Variants in OPCML observed in about 807,000 individuals in gnomAD.
OPCML encodes opioid binding protein/cell adhesion molecule like, also known as opioid-binding protein/cell adhesion molecule.
A neutral mutation model predicts 37.8 loss-of-function variants in OPCML; 13 were observed. That is an observed-to-expected ratio of 0.34 (90% CI 0.22 to 0.55). The LOEUF is 0.55. Among genes scored for constraint, OPCML ranks in the 20% least tolerant of loss-of-function variants. OPCML has a pLI of 0.91. For synonymous variants in OPCML, 176 were observed against 168.8 expected (o/e 1.04, Z -0.33); for missense variants, 341 against 435.6 (o/e 0.78, Z 1.93).
intron 1 of OPCML, among the ~76,000 whole-genome samples, chr11:133,462,453 T>C (rs1946879773): frequency 6.6e-6 from 1 of 152,064 alleles, no homozygotes; most frequent in South Asian, 2.1e-4. Context: ...TAATGGATAA[T>C]ATTCAGAATA....
intron 1 of OPCML, among the ~76,000 whole-genome samples, chr11:133,204,464 T>G (rs1234247683): frequency 2.0e-5 from 3 of 152,088 alleles, no homozygotes; most frequent in African/African-American, 7.2e-5. Flanking sequence ...TGGGCACCAG[T>G]GAGAATATAA....
At chr11:133,499,870 A>G (rs1476350077) in intron 1 of OPCML, among the ~76,000 whole-genome samples, 22 of 115,604 alleles carry the variant, frequency 1.9e-4, no homozygotes, top group South Asian at 7.5e-4. Context: ...ATATATATAT[A>G]TATATTTTTT....
At chr11:132,973,859 C>T (rs1314666232) in intron 1 of OPCML, among the ~76,000 whole-genome samples, 1 of 149,334 alleles carries the variant, frequency 6.7e-6, no homozygotes, top group African/African-American at 2.6e-5. Context: ...AAAGAAAGCA[C>T]GGAGTGGATC....
At chr11:132,724,908 C>G (rs116515784) in intron 2 of OPCML, among the ~76,000 whole-genome samples, 1 of 152,168 alleles carries the variant, frequency 6.6e-6, no homozygotes, top group South Asian at 2.1e-4. Context: ...CATGCTGATG[C>G]AAGAGTTAGG....
At chr11:132,423,384 G>A (rs552108925) in intron 7 of OPCML, among the ~76,000 whole-genome samples, 14 of 152,356 alleles carry the variant, frequency 9.2e-5, no homozygotes, top group African/African-American at 3.4e-4. Context: ...ACGATACACA[G>A]TGAAGCTAGC....
chr11:133,231,001 G>A (rs780540858), intron 1 of OPCML, among the ~76,000 whole-genome samples: 30 of 152,142 alleles, frequency 2.0e-4, no homozygotes, highest in Non-Finnish European at 3.8e-4. Context: ...CCACACATTT[G>A]CAAACAGATT....
chr11:132,884,498 C>T lies in OPCML; in HGVS notation c.146+58428G>A, dbSNP rs554199602. 9.3e-4 allele frequency among the ~76,000 whole-genome samples: 142 copies of T among 152,204 alleles called. 2 individuals are homozygous for T. In the Middle Eastern group the frequency reaches 0.02, roughly 22 times the overall value. ...GATTGCTTGGGGTTTCTTTATTTGA[C>T]TAGATCTTAGAAAATAAAACAGGAC... On this transcript the variant is annotated intron_variant, in intron 2 of 7. Transcript: ENST00000524381.
intron 1 of OPCML, among the ~76,000 whole-genome samples, chr11:133,058,939 G>A (rs1039411461): frequency 2.6e-5 from 4 of 152,212 alleles, no homozygotes; most frequent in African/African-American, 7.2e-5. Context: ...CTAGGCTGCC[G>A]CCACTGGGCT....
At chr11:133,049,612 G>A (rs183398562) in intron 1 of OPCML, among the ~76,000 whole-genome samples, 188 of 152,364 alleles carry the variant, frequency 1.2e-3, no homozygotes, top group African/African-American at 4.3e-3. Context: ...TCATGAAATT[G>A]CATGTAAATG....
chr11:133,337,075 G>A (rs531225398), intron 1 of OPCML, among the ~76,000 whole-genome samples: 56 of 152,278 alleles, frequency 3.7e-4, no homozygotes, highest in Admixed American at 2.6e-3. Flanking sequence ...AGAGAAGCGC[G>A]CAACCCCTCA....
chr11:133,109,884 G>C (rs999730412), intron 1 of OPCML, among the ~76,000 whole-genome samples: 1 of 152,202 alleles, frequency 6.6e-6, no homozygotes, highest in Non-Finnish European at 1.5e-5. Flanking sequence ...AAGAGAATAA[G>C]CCATAAACCT....
chr11:133,423,308 G>A (rs1945931674), intron 1 of OPCML: 1 of 985,368 alleles, frequency 1.0e-6, no homozygotes, highest in African/African-American at 1.7e-5. Flanking sequence ...GAAGTTCTGA[G>A]GGATTTCCAC....
intron 1 of OPCML, among the ~76,000 whole-genome samples, chr11:133,159,214 C>T (rs992610026): frequency 2.6e-5 from 4 of 152,166 alleles, no homozygotes; most frequent in Non-Finnish European, 5.9e-5. Flanking sequence ...CTCTGCATCC[C>T]GACAAGCATT....
intron 2 of OPCML, among the ~76,000 whole-genome samples, chr11:132,887,879 T>C (rs1027797): frequency 0.093 from 14,149 of 152,282 alleles, 743 homozygotes; most frequent in South Asian, 0.16. Context: ...ATATATTTCC[T>C]ATCCCAGAGA....
chr11:132,870,280 G>T (rs188516043), intron 2 of OPCML, among the ~76,000 whole-genome samples: 1 of 151,966 alleles, frequency 6.6e-6, no homozygotes, highest in South Asian at 2.1e-4. Flanking sequence ...CACTTTTCTC[G>T]AGGGCAATAA....
At chr11:132,475,308 C>T (rs760085379) in intron 4 of OPCML, among the ~76,000 whole-genome samples, 9 of 152,216 alleles carry the variant, frequency 5.9e-5, no homozygotes, top group South Asian at 2.1e-4. Context: ...TTATTCGGAG[C>T]GATTTTAAAA....
rs150562558 is a variant in OPCML at position 133,175,755 on chromosome 11, G to A, written c.62-232745C>T. On this transcript the variant is annotated intron_variant, in intron 1 of 7. Coordinates refer to ENST00000524381, the MANE Select transcript of OPCML (RefSeq NM_001012393.5). ...TGAGGTCAGCATGCACGATGCAGAT[G>A]GATACACTTGGGAGTCTAAATTCTA... 4.7e-3 allele frequency among the ~76,000 whole-genome samples: 710 copies of A among 151,738 alleles called. 7 individuals are homozygous for A. Among genetic ancestry groups the A allele is most frequent in the South Asian group, 0.014 (67 of 4,802 alleles).
Position 132,916,689 on chromosome 11 carries a change from C to T in OPCML, c.146+26237G>A, listed in dbSNP as rs151191088. 6.6e-5 allele frequency among the ~76,000 whole-genome samples: 10 copies of T among 152,216 alleles called. No homozygotes were observed. The East Asian group carries it at 1.7e-3, about 27-fold the overall frequency. ...TCACCGGAAGAGAAGAGGAAATAGG[C>T]TATGTGAGTGTTTAAGTAAAGAGAA... On this transcript the variant is annotated intron_variant, in intron 2 of 7. Coordinates refer to ENST00000524381, the MANE Select transcript of OPCML (RefSeq NM_001012393.5).
At position 132,776,113 on chromosome 11, in the gene OPCML, A is replaced by G. The variant is rs572060647; in HGVS notation, c.147-118794T>C. ...CCTGGCTAAGTTTTGTATTTTTATT[A>G]AAGACAGGGTTTCACATGTTGGCCA... On this transcript the variant is annotated intron_variant, in intron 2 of 7. Coordinates refer to ENST00000524381, the MANE Select transcript of OPCML (RefSeq NM_001012393.5). Among the ~76,000 whole-genome samples the G allele has an allele frequency of 7.9e-5, 12 of 152,120 alleles. No homozygotes were observed. The South Asian group carries it at 2.3e-3, about 29-fold the overall frequency.
Sources: gnomAD v4.1 joint callset for allele counts (sites outside exome capture counted in the v4.1 genomes callset) on GRCh38, gnomAD v4.1.1 for gene constraint, MANE v1.5 for transcripts, NCBI Gene and HGNC (gene_info 2026-07-23, HGNC 2026-07-21) for gene names.